The following PCDHGB3 variants were observed in gnomAD, a reference collection of about 807,000 sequenced individuals.
PCDHGB3 encodes the protein protocadherin gamma subfamily B, 3, also known as protocadherin gamma-B3.
Under a neutral mutation model 59.2 loss-of-function variants are expected in PCDHGB3, and 40 were observed. The observed-to-expected ratio is 0.68, with a 90% CI of 0.52 to 0.88. PCDHGB3 has a LOEUF of 0.88. PCDHGB3 is among the 40% of genes least tolerant of loss of function. PCDHGB3 has a pLI of 0.00. For missense variants in PCDHGB3, 1,309 were observed against 1,187.9 expected, an observed-to-expected ratio of 1.10 and a Z score of -1.50; for synonymous variants, 581 against 503.6, an observed-to-expected ratio of 1.15 and a Z score of -2.06.
rs145813962 is a variant in PCDHGB3 at position 141,377,375 on chromosome 5, G to A, written c.2415+4566G>A. 13 of 152,264 alleles carry A rather than the reference G, an allele frequency of 8.5e-5. No individual in the cohort carries two copies. The East Asian group carries it at 1.2e-3, about 14-fold the overall frequency. The allele number at this position is 152,264 out of a possible 1,614,324, so 9.4% of individuals were successfully genotyped here. ...AATCCCACCTCTTCAGGAGGCTGAG[G>A]CAGGAGGATCCCTTGAGACCAGGAG... On this transcript the variant is annotated intron_variant, in intron 1 of 3. Transcript: ENST00000576222.
intron 2 of PCDHGB3, among the ~76,000 whole-genome samples, chr5:141,500,410 C>G (rs2099800033): frequency 6.6e-6 from 1 of 151,774 alleles, no homozygotes; most frequent in Non-Finnish European, 1.5e-5. Flanking sequence ...GGGGTTTCAC[C>G]GTGTTAGCCA....
chr5:141,400,502 A>C, intron 1 of PCDHGB3: 1 of 1,614,020 alleles, frequency 6.2e-7, no homozygotes, highest in Non-Finnish European at 8.5e-7. Flanking sequence ...AATTCCAGCG[A>C]GTCGACTTCC....
At position 141,372,053 on chromosome 5, in the gene PCDHGB3, C is replaced by T; in HGVS notation, c.1659C>T (p.Asp553=). Residue 553 remains aspartate (D), a synonymous_variant, in exon 1 of 4, where the codon GAC becomes GAT. Coordinates refer to ENST00000576222, the MANE Select transcript of PCDHGB3 (RefSeq NM_018924.5). ...SANVSLRVLV[D]DRNDNAPLVL... ...ACGTGAGCCTGCGCGTGTTGGTGGA[C>T]GACCGCAACGACAATGCACCGCTGG... The T allele has an allele frequency of 6.2e-7, 1 of 1,613,498 alleles. No individual in the cohort carries two copies. Among genetic ancestry groups the T allele is most frequent in the Middle Eastern group, 1.7e-4 (1 of 6,034 alleles).
At chr5:141,421,520 A>G (rs749034718) in intron 1 of PCDHGB3, 2 of 1,614,068 alleles carry the variant, frequency 1.2e-6, no homozygotes, top group Non-Finnish European at 8.5e-7. Flanking sequence ...GAGCTCTGTG[A>G]GACGGTGTCC....
chr5:141,487,623 C>T lies in PCDHGB3; in HGVS notation c.2416-7184C>T, dbSNP rs2099654624. On this transcript the variant is annotated intron_variant, in intron 1 of 3. Coordinates refer to ENST00000576222, the MANE Select transcript of PCDHGB3 (RefSeq NM_018924.5). This position sits in a 1 kb window ranked among gnomAD's most constrained non-coding sequence, Gnocchi z 5.0. The stretch of plus-strand genomic sequence containing the variant: ...CTTCTCTATGGGCTAGAGGTGAGAC[C>T]TTTGCAGGCTCAACAAATGCTTGAG... 6.2e-7 allele frequency: 1 copy of T among 1,614,088 alleles called. No individual in the cohort carries two copies. The highest frequency in any genetic ancestry group is 1.3e-5 in the African/African-American group (1 of 74,930).
intron 1 of PCDHGB3, among the ~76,000 whole-genome samples, chr5:141,401,352 G>C (rs1381325058): frequency 6.6e-6 from 1 of 152,080 alleles, no homozygotes; most frequent in Non-Finnish European, 1.5e-5. Flanking sequence ...CAAAAAAAAG[G>C]AAGGAGAAGG....
At position 141,404,170 on chromosome 5, in the gene PCDHGB3, G is replaced by A. The variant is rs73279089; in HGVS notation, c.2415+31361G>A. 22 of 1,612,630 alleles carry A rather than the reference G, an allele frequency of 1.4e-5. No individual in the cohort carries two copies. In the East Asian group the frequency reaches 1.8e-4, roughly 13 times the overall value. On this transcript the variant is annotated intron_variant, in intron 1 of 3. Coordinates refer to ENST00000576222, the MANE Select transcript of PCDHGB3 (RefSeq NM_018924.5). ...AAGAAGATTATTACAGATTGTTGACGGCCCAAATTCTTGACCGAGAAAAAG... is the reference window on the plus strand; with the variant it reads ...AAGAAGATTATTACAGATTGTTGACAGCCCAAATTCTTGACCGAGAAAAAG...
chr5:141,489,210 G>C lies in PCDHGB3; in HGVS notation c.2416-5597G>C. ...TCTACCTTGGAGACAGGACAGCACA[G>C]ACTTACTCTCCACAAAGGGACTTCT... On this transcript the variant is annotated intron_variant, in intron 1 of 3. Coordinates refer to ENST00000576222, the MANE Select transcript of PCDHGB3 (RefSeq NM_018924.5). This position sits in a 1 kb window ranked among gnomAD's most constrained non-coding sequence, Gnocchi z 4.5. 6.8e-7 allele frequency: 1 copy of C among 1,461,860 alleles called. No individual in the cohort carries two copies. Among genetic ancestry groups the C allele is most frequent in the African/African-American group, 1.4e-5 (1 of 70,802 alleles). 90.6% of individuals were successfully genotyped at this position (1,461,860 alleles called of 1,614,324 possible).
Position 141,373,901 on chromosome 5 carries a change from C to T in PCDHGB3, c.2415+1092C>T. ...AATCAACGGAAACTCAAGTTACATCCTCCAACAACAAAGCAAATTAGACGG... is the reference window on the plus strand; with the variant it reads ...AATCAACGGAAACTCAAGTTACATCTTCCAACAACAAAGCAAATTAGACGG... On this transcript the variant is annotated intron_variant, in intron 1 of 3. Coordinates refer to ENST00000576222, the MANE Select transcript of PCDHGB3 (RefSeq NM_018924.5). 5.3e-6 allele frequency: 3 copies of T among 568,614 alleles called. No homozygotes were observed. In the East Asian group the frequency reaches 9.4e-5, roughly 18 times the overall value. The allele number at this position is 568,614 out of a possible 1,614,324, so 35.2% of individuals were successfully genotyped here.
At chr5:141,404,347 C>T (rs1451476815) in intron 1 of PCDHGB3, 6 of 1,613,796 alleles carry the variant, frequency 3.7e-6, no homozygotes, top group African/African-American at 2.7e-5. Context: ...CGGAAAACAA[C>T]GCCAGAGGTA....
Position 141,489,138 on chromosome 5 carries a change from T to C in PCDHGB3, c.2416-5669T>C. 1.4e-6 allele frequency: 1 copy of C among 738,808 alleles called. No homozygotes were observed. The highest frequency in any genetic ancestry group is 3.0e-5 in the Admixed American group (1 of 33,014). The allele number at this position is 738,808 out of a possible 1,614,324, so 45.8% of individuals were successfully genotyped here. On this transcript the variant is annotated intron_variant, in intron 1 of 3. Transcript: ENST00000576222. This position sits in a 1 kb window ranked among gnomAD's most constrained non-coding sequence, Gnocchi z 4.5. ...AACCTCCGAGCAGTTTTTAAGAGGC[T>C]GGAAGGAGACATAAGAGACTTCAGC...
rs772043134 is a variant in PCDHGB3, at chr5:141,432,746, G to A, written c.2415+59937G>A. 1.2e-6 allele frequency: 2 copies of A among 1,614,098 alleles called. No homozygotes were observed. Among genetic ancestry groups the A allele is most frequent in the East Asian group, 4.5e-5 (2 of 44,860 alleles). On this transcript the variant is annotated intron_variant, in intron 1 of 3. Coordinates refer to ENST00000576222, the MANE Select transcript of PCDHGB3 (RefSeq NM_018924.5). The surrounding 1 kb of genome is among the most constrained non-coding windows in gnomAD (Gnocchi z 6.0). ...CTCCGCCACTGTCACGCTCACCGTGGCCGTGGCCGACAGCATCCCCCAAGT... is the reference window on the plus strand; with the variant it reads ...CTCCGCCACTGTCACGCTCACCGTGACCGTGGCCGACAGCATCCCCCAAGT...
At chr5:141,384,392 G>A in intron 1 of PCDHGB3, 1 of 1,613,930 alleles carries the variant, frequency 6.2e-7, no homozygotes, top group Non-Finnish European at 8.5e-7. Context: ...ACCATCCAGG[G>A]GGCTCCAGTG....
chr5:141,501,544 G>T (rs1297191346), intron 2 of PCDHGB3, among the ~76,000 whole-genome samples: 3 of 151,962 alleles, frequency 2.0e-5, no homozygotes, highest in African/African-American at 7.3e-5. Flanking sequence ...TTGTGCATAA[G>T]ATCATAGGCC....
chr5:141,433,050 G>A, intron 1 of PCDHGB3: 2 of 1,614,142 alleles, frequency 1.2e-6, no homozygotes, highest in Non-Finnish European at 1.7e-6. Context: ...ACGGACTCGC[G>A]GAAGAGTCAC....
At chr5:141,406,908 A>G (rs1256233458) in intron 1 of PCDHGB3, among the ~76,000 whole-genome samples, 2 of 152,204 alleles carry the variant, frequency 1.3e-5, no homozygotes, top group Non-Finnish European at 2.9e-5. Flanking sequence ...GTTTTTAGCT[A>G]TAAGGAAGAG....
chr5:141,385,284 A>C (rs1419920858), intron 1 of PCDHGB3: 5 of 1,613,356 alleles, frequency 3.1e-6, no homozygotes, highest in Non-Finnish European at 3.4e-6. Flanking sequence ...TAACATCCGT[A>C]GATTTTCAGG....
chr5:141,403,073 A>G (rs920382925), intron 1 of PCDHGB3: 4 of 1,614,056 alleles, frequency 2.5e-6, no homozygotes, highest in Non-Finnish European at 3.4e-6. Context: ...AGAGACAGAA[A>G]AGGGCTATAT....
chr5:141,496,338 G>A (rs1011495959), intron 2 of PCDHGB3, among the ~76,000 whole-genome samples: 5 of 152,230 alleles, frequency 3.3e-5, no homozygotes, highest in African/African-American at 9.6e-5. Flanking sequence ...TCAGGAGCCT[G>A]GAGGAGTCTC....
Sources: gnomAD v4.1 joint callset for allele counts (sites outside exome capture counted in the v4.1 genomes callset) on GRCh38, gnomAD v4.1.1 for gene constraint, Gnocchi (gnomAD v3.1) non-coding constraint, MANE v1.5 for transcripts, NCBI Gene and HGNC (gene_info 2026-07-23, HGNC 2026-07-21) for gene names.